STK16: variants seen among roughly 807,000 people sequenced by gnomAD.
STK16 encodes the protein serine/threonine kinase 16.
Under a neutral mutation model 37.8 loss-of-function variants are expected in STK16, and 28 were observed. The ratio of observed to expected loss-of-function variants is 0.74; its 90% CI spans 0.55 to 1.02. The LOEUF is 1.02. Ranked by LOEUF, STK16 falls within the 50% of genes least tolerant of loss-of-function variation. The probability of loss-of-function intolerance (pLI) is 0.00; values close to 1 mark genes in which losing one functional copy is unlikely to be tolerated. For missense variants in STK16, 349 were observed against 390.6 expected, an observed-to-expected ratio of 0.89 and a Z score of 0.90; for synonymous variants, 134 against 155.0, an observed-to-expected ratio of 0.86 and a Z score of 1.01.
At chr2:219,248,060 G>C in intron 6 of STK16, 133 bp from the exon 7 acceptor site, 1 of 1,397,612 alleles carries the variant, frequency 7.2e-7, no homozygotes, top group Non-Finnish European at 9.9e-7. Context: ...AGTTTCTCTG[G>C]ACCCTGGTGG....
In STK16 at chr2:219,246,056, C is replaced by G; in HGVS notation, c.57C>G (p.Arg19=). 1 of 1,614,068 alleles carries G rather than the reference C, an allele frequency of 6.2e-7. No individual in the cohort carries two copies. Among genetic ancestry groups the G allele is most frequent in the Non-Finnish European group, 8.5e-7 (1 of 1,179,984 alleles). The part of the protein sequence containing the change: ...SRGTVIIDNK[R]YLFIQKLGEG... ...GAACTGTCATCATTGACAATAAGCG[C>G]TACCTCTTCATCCAGAAACTGGGGG... The change falls in exon 2 of 8, where the codon CGC becomes CGG. Residue 19 remains arginine (R), a synonymous_variant. Coordinates refer to ENST00000396738, the MANE Select transcript of STK16 (RefSeq NM_001330213.2). This position sits in a 1 kb window ranked among gnomAD's most constrained non-coding sequence, Gnocchi z 4.5.
rs1377321432 is a variant in STK16, at chr2:219,247,445, A to G, written c.471A>G (p.Gly157=). The part of the protein sequence containing the change: ...RDLKPTNILL[G]DEGQPVLMDL... ...TGAAGCCCACCAATATATTGCTTGG[A>G]GATGAGGGGCAGCCAGTTTTAATGG... is the stretch of plus-strand genomic sequence containing the variant. Residue 157 remains glycine (G), a synonymous_variant, in exon 5 of 8, where the codon GGA becomes GGG. Coordinates refer to ENST00000396738, the MANE Select transcript of STK16 (RefSeq NM_001330213.2). The G allele has an allele frequency of 6.2e-7, 1 of 1,614,196 alleles. No homozygotes were observed. The highest frequency in any genetic ancestry group is 2.2e-5 in the East Asian group (1 of 44,884).
rs367742960 is a variant in STK16, at chr2:219,248,210, A to G, written c.675A>G (p.Leu225=). 14 of 1,614,026 alleles carry G rather than the reference A, an allele frequency of 8.7e-6. No individual in the cohort carries two copies. Among genetic ancestry groups the G allele is most frequent in the African/African-American group, 4.0e-5 (3 of 74,892 alleles). The change falls in exon 7 of 8, where the codon CTA becomes CTG. Residue 225 remains leucine (L), a synonymous_variant. Coordinates refer to ENST00000396738, the MANE Select transcript of STK16 (RefSeq NM_001330213.2). ...RTDVWSLGCV[L]YAMMFGEGPY... is the part of the protein sequence containing the mutation. ...ATGCTCAGTCCCTAGGCTGCGTGCT[A>G]TATGCCATGATGTTTGGGGAAGGCC...
Position 219,248,518 on chromosome 2 carries a change from C to T in STK16, c.877C>T (p.Leu293Phe). ...TCTCCTCCTCAGTCAGCTGGAGGCG[C>T]TTCAGCCCCCAGCTCCTGGCCAACA... The part of the protein sequence containing the change: ...IPLLLSQLEA[L>F]QPPAPGQHTT... Residue 293 changes from leucine to phenylalanine, a missense_variant, in exon 8 of 8, where the codon CTT (leucine) becomes TTT (phenylalanine). Leu to Phe is a conservative substitution (Grantham distance 22). Transcript: ENST00000396738. 6.2e-7 allele frequency: 1 copy of T among 1,613,952 alleles called. No individual in the cohort carries two copies. Among genetic ancestry groups the T allele is most frequent in the Non-Finnish European group, 8.5e-7 (1 of 1,179,870 alleles).
Position 219,250,183 on chromosome 2 carries a change from CA to C in STK16, c.*1625del. ...AGAACCCCTTTGCAGGTCTCACCTT[CA>C]GCGATGGAAGGGATAAGGGTCATGA... On this transcript the variant is annotated 3_prime_UTR_variant, in exon 8 of 8. Coordinates refer to ENST00000396738, the MANE Select transcript of STK16 (RefSeq NM_001330213.2). The surrounding 1 kb of genome is among the most constrained non-coding windows in gnomAD (Gnocchi z 8.4). 1 of 1,020,776 alleles carries C rather than the reference CA, an allele frequency of 9.8e-7. No homozygotes were observed. The highest frequency in any genetic ancestry group is 1.5e-6 in the Non-Finnish European group (1 of 689,040). 63.2% of individuals were successfully genotyped at this position (1,020,776 alleles called of 1,614,324 possible).
chr2:219,247,908 C>T (rs1231212168), intron 6 of STK16, 151 bp downstream of exon 6: 2 of 862,284 alleles, frequency 2.3e-6, no homozygotes, highest in Non-Finnish European at 3.8e-6. Context: ...GGAAATGTCA[C>T]TGATACTGTA....
intron 7 of STK16, 21 bp downstream of exon 7, chr2:219,248,335 G>A: frequency 2.5e-6 from 4 of 1,614,000 alleles, no homozygotes; most frequent in Non-Finnish European, 3.4e-6. Context: ...AACGAATAGG[G>A]CATCAAGTGT....
At chr2:219,247,996 GGCTAAGCAGGGGCTAA>G in intron 6 of STK16, 181 bp from the exon 7 acceptor site, 1 of 877,026 alleles carries the variant, frequency 1.1e-6, no homozygotes, top group East Asian at 2.6e-5. Context: ...TGAAGGCACT[GGCTAAGCAGGGGCTAA>G]GCTAAACAGG....
rs188193002 is a variant in STK16 at position 219,246,965 on chromosome 2, G to A, written c.306+89G>A. The A allele has an allele frequency of 1.3e-5, 20 of 1,524,212 alleles. No individual in the cohort carries two copies. In the African/African-American group the frequency reaches 1.8e-4, roughly 14 times the overall value. 94.4% of individuals were successfully genotyped at this position (1,524,212 alleles called of 1,614,324 possible). The stretch of plus-strand genomic sequence containing the variant: ...GCAGTCCAGCATGTTAGGAAGCAGG[G>A]ACCATGTCCTGGGTTTGGCCACTTT... On this transcript the variant is annotated intron_variant, in intron 3 of 7. Transcript: ENST00000396738. This position sits in a 1 kb window ranked among gnomAD's most constrained non-coding sequence, Gnocchi z 4.5.
At chr2:219,248,358 C>T (rs372112640) in intron 7 of STK16, 44 bp downstream of exon 7, 55 of 1,613,444 alleles carry the variant, frequency 3.4e-5, no homozygotes, top group Non-Finnish European at 4.2e-5. Context: ...CAGACTCCCC[C>T]CTGGTATTAG....
rs1951567328 is a variant in STK16, at chr2:219,247,715, T to C, written c.615T>C (p.Ser205=). 2 of 1,605,016 alleles carry C rather than the reference T, an allele frequency of 1.2e-6. No individual in the cohort carries two copies. The highest frequency in any genetic ancestry group is 1.3e-5 in the African/African-American group (1 of 74,802). ...TISYRAPELF[S]VQSHCVIDER... Reference sequence around the variant, plus strand: ...CCTACCGAGCCCCAGAGCTCTTCTCTGTGCAGAGTCACTGTGTCATCGATG... The same window carrying C: ...CCTACCGAGCCCCAGAGCTCTTCTCCGTGCAGAGTCACTGTGTCATCGATG... Residue 205 remains serine, a synonymous_variant, in exon 6 of 8, where the codon TCT becomes TCC. Coordinates refer to ENST00000396738, the MANE Select transcript of STK16 (RefSeq NM_001330213.2).
In STK16 at chr2:219,249,094, T is replaced by C. The variant is rs1951600713; in HGVS notation, c.*535T>C. The C allele has an allele frequency of 6.6e-6, 1 of 152,638 alleles. No homozygotes were observed. The highest frequency in any genetic ancestry group is 1.9e-4 in the East Asian group (1 of 5,204). The allele number at this position is 152,638 out of a possible 1,614,324, so 9.5% of individuals were successfully genotyped here. A position where few individuals can be genotyped will look rare whatever the true frequency, so the allele number is the denominator to read the frequency against. ...TCTTAGATCAAAACTTAAAGCTGCT[T>C]GGGCTCAAGCTGGCATCTGCCTGTG... On this transcript the variant is annotated 3_prime_UTR_variant, in exon 8 of 8. Coordinates refer to ENST00000396738, the MANE Select transcript of STK16 (RefSeq NM_001330213.2).
In STK16 at chr2:219,248,441, A is replaced by T. The variant is rs1951585198; in HGVS notation, c.800A>T (p.Gln267Leu). 1 of 1,614,076 alleles carries T rather than the reference A, an allele frequency of 6.2e-7. No individual in the cohort carries two copies. Among genetic ancestry groups the T allele is most frequent in the Non-Finnish European group, 8.5e-7 (1 of 1,179,966 alleles). The change falls in exon 8 of 8, where the codon CAG (glutamine) becomes CTG (leucine). Residue 267 changes from glutamine to leucine, a missense_variant. Physicochemically the swap from Gln to Leu is moderately radical, Grantham distance 113. Transcript: ENST00000396738. ...CACAGGCATTCTTCAGCATTGCGGC[A>T]GCTCCTGAACTCGATGATGACCGTG... ...QSPRHSSALRQLLNSMMTVDP... is the reference protein window; with the variant it reads ...QSPRHSSALRLLLNSMMTVDP...
intron 6 of STK16, 59 bp from the exon 7 acceptor site, chr2:219,248,129 GAAGTA>G (rs2125066737): frequency 5.0e-6 from 8 of 1,600,442 alleles, no homozygotes; most frequent in South Asian, 4.5e-5. Flanking sequence ...TTTTACCACA[GAAGTA>G]AAGGGAGAGA....
In STK16 at chr2:219,246,891, T is replaced by A. The variant is rs759691946; in HGVS notation, c.306+15T>A. On this transcript the variant is annotated intron_variant, in intron 3 of 7. Transcript: ENST00000396738. This position sits in a 1 kb window ranked among gnomAD's most constrained non-coding sequence, Gnocchi z 4.5. ...CATTCTTCAAGGTCAGAAAGACTCCTGGTTATGGAGGGGGTTGCAGCAGAG... is the reference window on the plus strand; with the variant it reads ...CATTCTTCAAGGTCAGAAAGACTCCAGGTTATGGAGGGGGTTGCAGCAGAG... The A allele has an allele frequency of 1.9e-6, 3 of 1,599,252 alleles. No homozygotes were observed. The Admixed American group carries it at 5.0e-5, about 27-fold the overall frequency.
intron 6 of STK16, 121 bp downstream of exon 6, chr2:219,247,878 C>T (rs1204324568): frequency 1.7e-5 from 16 of 957,812 alleles, no homozygotes; most frequent in Non-Finnish European, 2.4e-5. Flanking sequence ...ATGTCCCCAT[C>T]CACTTCAACT....
In STK16 at chr2:219,250,324, CAT is replaced by C. The variant is rs1559275552; in HGVS notation, c.*1767_*1768del. On this transcript the variant is annotated 3_prime_UTR_variant, in exon 8 of 8. Coordinates refer to ENST00000396738, the MANE Select transcript of STK16 (RefSeq NM_001330213.2). This position sits in a 1 kb window ranked among gnomAD's most constrained non-coding sequence, Gnocchi z 8.4. ...TATTTCGAAAGGATTTTGCAATAAA[CAT>C]AGTGAATAGGCTCCAGGCAGCTGCT... The C allele has an allele frequency of 2.5e-6, 4 of 1,578,202 alleles. No homozygotes were observed. The highest frequency in any genetic ancestry group is 1.7e-6 in the Non-Finnish European group (2 of 1,160,052).
At position 219,248,088 on chromosome 2, in the gene STK16, C is replaced by T. The variant is rs973822436; in HGVS notation, c.658-105C>T. 3.5e-5 allele frequency: 54 copies of T among 1,526,024 alleles called. No individual in the cohort carries two copies. The African/African-American group carries it at 6.9e-4, about 19-fold the overall frequency. The allele number at this position is 1,526,024 out of a possible 1,614,324, so 94.5% of individuals were successfully genotyped here. On this transcript the variant is annotated intron_variant, in intron 6 of 7. Coordinates refer to ENST00000396738, the MANE Select transcript of STK16 (RefSeq NM_001330213.2). ...CCTGGTGGTGCCATGTGGCTGAGGT[C>T]AGCGTATTCTTTTTAGCTTATGGAG...
rs766349692 is a variant in STK16, at chr2:219,248,454, G to A, written c.813G>A (p.Ser271=). ...HSSALRQLLN[S]MMTVDPHQRP... is the part of the protein sequence containing the mutation. ...CAGCATTGCGGCAGCTCCTGAACTC[G>A]ATGATGACCGTGGACCCGCATCAGC... The change falls in exon 8 of 8, where the codon TCG becomes TCA. Residue 271 remains serine, a synonymous_variant. Coordinates refer to ENST00000396738, the MANE Select transcript of STK16 (RefSeq NM_001330213.2). The A allele has an allele frequency of 1.1e-5, 17 of 1,614,098 alleles. No homozygotes were observed. In the East Asian group the frequency reaches 2.5e-4, roughly 23 times the overall value.
Sources: allele counts gnomAD v4.1 joint callset, GRCh38; gene constraint gnomAD v4.1.1; non-coding constraint Gnocchi (gnomAD v3.1); transcripts MANE v1.5; gene names NCBI Gene and HGNC (gene_info 2026-07-23, HGNC 2026-07-21).